ENOX1: variants seen among roughly 807,000 people sequenced by gnomAD.
The protein encoded by ENOX1 is ecto-NOX disulfide-thiol exchanger 1, also known as candidate growth-related and time keeping constitutive hydroquinone (NADH) oxidase.
ENOX1 carries 42 observed loss-of-function variants against 82.5 expected under a neutral mutation model. The observed-to-expected ratio is 0.51, with a 90% CI of 0.40 to 0.66. The LOEUF (loss-of-function observed/expected upper bound fraction) is 0.66. ENOX1 is among the 30% of genes least tolerant of loss of function. ENOX1 has a pLI of 0.00. For missense variants in ENOX1, 608 were observed against 811.6 expected, an observed-to-expected ratio of 0.75 and a Z score of 3.05; for synonymous variants, 271 against 282.2, an observed-to-expected ratio of 0.96 and a Z score of 0.40.
At chr13:43,779,469 C>A (rs774169761) in intron 1 of ENOX1, among the ~76,000 whole-genome samples, 5 of 152,132 alleles carry the variant, frequency 3.3e-5, no homozygotes, top group Admixed American at 3.3e-4. Flanking sequence ...TCCCCACACA[C>A]GGGAGAGAAA....
At chr13:43,316,760 T>G (rs1361312376) in intron 11 of ENOX1, among the ~76,000 whole-genome samples, 3 of 148,626 alleles carry the variant, frequency 2.0e-5, no homozygotes, top group African/African-American at 7.4e-5. Context: ...TGGGCAAGAT[T>G]AGCAAGATTA....
chr13:43,309,433 C>G (rs1374569622), intron 11 of ENOX1, among the ~76,000 whole-genome samples: 3 of 152,148 alleles, frequency 2.0e-5, no homozygotes, highest in Non-Finnish European at 4.4e-5. Context: ...TCTTACCACC[C>G]AGATGAGCCT....
chr13:43,454,776 T>G (rs1368176520), intron 3 of ENOX1, among the ~76,000 whole-genome samples: 1 of 152,204 alleles, frequency 6.6e-6, no homozygotes, highest in Non-Finnish European at 1.5e-5. Flanking sequence ...GCTCACCTCT[T>G]TTGTGTATCT....
At chr13:43,491,869 C>G (rs1396931264) in intron 2 of ENOX1, among the ~76,000 whole-genome samples, 1 of 152,172 alleles carries the variant, frequency 6.6e-6, no homozygotes, top group African/African-American at 2.4e-5. Flanking sequence ...TCCCTATTTT[C>G]CAAAGATCAG....
rs754701224 is a variant in ENOX1, at chr13:43,298,467, G to A, written c.1325C>T (p.Ala442Val). ...ENDSLRWQLD[A>V]YRNEVELLKQ... Reference sequence around the variant, plus strand: ...CAGCAGCTCCACCTCATTCCTGTAGGCATCCAGCTGCCAGCGGAGACTGTC... The same window carrying A: ...CAGCAGCTCCACCTCATTCCTGTAGACATCCAGCTGCCAGCGGAGACTGTC... Residue 442 changes from alanine (A) to valine (V), a missense_variant, in exon 12 of 17, where the codon GCC becomes GTC. Coordinates refer to ENST00000690772, the MANE Select transcript of ENOX1 (RefSeq NM_001347969.2). 7 of 1,614,016 alleles carry A rather than the reference G, an allele frequency of 4.3e-6. No homozygotes were observed. Among genetic ancestry groups the A allele is most frequent in the Admixed American group, 1.7e-5 (1 of 60,012 alleles).
chr13:43,705,965 T>C (rs2087255380), intron 1 of ENOX1, among the ~76,000 whole-genome samples: 1 of 152,060 alleles, frequency 6.6e-6, no homozygotes. Context: ...ATAGAATATG[T>C]TTCCTGTCTA....
At chr13:43,468,329 A>C (rs2057831204) in intron 3 of ENOX1, among the ~76,000 whole-genome samples, 1 of 151,740 alleles carries the variant, frequency 6.6e-6, no homozygotes, top group Non-Finnish European at 1.5e-5. Context: ...CTACAGGCGC[A>C]TGCCACCACA....
At position 43,298,242 on chromosome 13, in the gene ENOX1, A is replaced by T. The variant is rs1250467271; in HGVS notation, c.1446+104T>A. On this transcript the variant is annotated intron_variant, in intron 12 of 16. Coordinates refer to ENST00000690772, the MANE Select transcript of ENOX1 (RefSeq NM_001347969.2). ...CTAGTAACATAGCTTTTTGGTTGTC[A>T]TTTCTTCTCCTTCACCCTTTCCAGC... is the stretch of plus-strand genomic sequence containing the variant. 9.0e-6 allele frequency: 11 copies of T among 1,227,316 alleles called. No homozygotes were observed. The African/African-American group carries it at 9.3e-5, about 10-fold the overall frequency. 76.0% of individuals were successfully genotyped at this position (1,227,316 alleles called of 1,614,324 possible).
chr13:43,393,381 T>C (rs576380273), intron 5 of ENOX1, among the ~76,000 whole-genome samples: 1 of 152,206 alleles, frequency 6.6e-6, no homozygotes, highest in East Asian at 1.9e-4. Flanking sequence ...TAAAATAGAT[T>C]AGATAAAAGG....
At chr13:43,327,299 C>T (rs554366169) in intron 9 of ENOX1, among the ~76,000 whole-genome samples, 2 of 152,348 alleles carry the variant, frequency 1.3e-5, no homozygotes, top group Admixed American at 6.5e-5. Flanking sequence ...GCTCCCCGCC[C>T]TCTGGCTCCC....
chr13:43,275,928 G>A (rs1213926407), intron 12 of ENOX1, among the ~76,000 whole-genome samples: 2 of 152,168 alleles, frequency 1.3e-5, no homozygotes, highest in Non-Finnish European at 2.9e-5. Flanking sequence ...TAGGGGTCAG[G>A]AGAATGAGCT....
intron 1 of ENOX1, among the ~76,000 whole-genome samples, chr13:43,733,386 T>C (rs2089448572): frequency 6.6e-6 from 1 of 152,148 alleles, no homozygotes. Context: ...AGTTCAGTTA[T>C]TTTCCACACA....
At chr13:43,228,887 C>T (rs1318787746) in intron 15 of ENOX1, among the ~76,000 whole-genome samples, 2 of 152,202 alleles carry the variant, frequency 1.3e-5, no homozygotes, top group East Asian at 3.8e-4. Flanking sequence ...GGGAAGAGGA[C>T]AGAAGAGACA....
chr13:43,399,457 G>A (rs1281379918), intron 5 of ENOX1, among the ~76,000 whole-genome samples: 1 of 152,138 alleles, frequency 6.6e-6, no homozygotes, highest in Admixed American at 6.5e-5. Flanking sequence ...TTTTCTACAG[G>A]GGCCAAGTCT....
chr13:43,586,714 C>T (rs997574275), intron 2 of ENOX1, among the ~76,000 whole-genome samples: 3 of 152,246 alleles, frequency 2.0e-5, no homozygotes, highest in African/African-American at 4.8e-5. Context: ...AGTTGATACC[C>T]GCCCAGTCAG....
intron 1 of ENOX1, among the ~76,000 whole-genome samples, chr13:43,729,384 A>G (rs2089189827): frequency 6.6e-6 from 1 of 152,170 alleles, no homozygotes; most frequent in South Asian, 2.1e-4. Context: ...ATTATTTATG[A>G]AGAAGGAATA....
intron 14 of ENOX1, among the ~76,000 whole-genome samples, chr13:43,258,515 AG>A (rs948009990): frequency 4.5e-4 from 69 of 152,186 alleles, no homozygotes; most frequent in African/African-American, 1.7e-3. Context: ...TAACTGGGGG[AG>A]AAGAGCAAGT....
At chr13:43,411,818 T>C (rs2054144938) in intron 5 of ENOX1, 98 bp downstream of exon 5, 2 of 1,466,362 alleles carry the variant, frequency 1.4e-6, no homozygotes, top group Admixed American at 2.0e-5. Flanking sequence ...AATAAAAGAC[T>C]GTGTCCAACA....
At chr13:43,375,529 C>T (rs1037134971) in intron 5 of ENOX1, among the ~76,000 whole-genome samples, 1 of 152,150 alleles carries the variant, frequency 6.6e-6, no homozygotes, top group Non-Finnish European at 1.5e-5. Context: ...TAAGGTGCCC[C>T]CAGTCCGTGG....
Sources: allele counts gnomAD v4.1 joint callset (sites outside exome capture counted in the v4.1 genomes callset), GRCh38; gene constraint gnomAD v4.1.1; transcripts MANE v1.5; gene names NCBI Gene and HGNC (gene_info 2026-07-23, HGNC 2026-07-21).